The following PNLIPRP3 variants were observed in gnomAD, a reference collection of about 807,000 sequenced individuals.
The protein encoded by PNLIPRP3 is pancreatic lipase-related protein 3.
PNLIPRP3 carries 58 observed loss-of-function variants against 52.8 expected under a neutral mutation model. The ratio of observed to expected loss-of-function variants is 1.10; its 90% CI spans 0.89 to 1.37. The LOEUF is 1.37. Among genes scored for constraint, PNLIPRP3 ranks in the 40% most tolerant of loss-of-function variants. The pLI, the probability that PNLIPRP3 is intolerant of heterozygous loss-of-function variation, is 0.00. For synonymous variants in PNLIPRP3, 192 were observed against 185.0 expected (o/e 1.04, Z -0.31); for missense variants, 593 against 561.6 (o/e 1.06, Z -0.57).
At chr10:116,462,388 C>T (rs911954400) in intron 7 of PNLIPRP3, among the ~76,000 whole-genome samples, 2 of 151,100 alleles carry the variant, frequency 1.3e-5, no homozygotes, top group Non-Finnish European at 2.9e-5. Flanking sequence ...ATAGCCCAAT[C>T]CCCTGTAGTC....
intron 4 of PNLIPRP3, among the ~76,000 whole-genome samples, chr10:116,446,297 G>T (rs1159187915): frequency 7.0e-6 from 1 of 143,310 alleles, no homozygotes; most frequent in Admixed American, 7.2e-5. Context: ...AGTAAGCCGA[G>T]ATGGCGCCGC....
chr10:116,463,686 A>G (rs1450495308), intron 7 of PNLIPRP3, among the ~76,000 whole-genome samples: 2 of 152,222 alleles, frequency 1.3e-5, no homozygotes, highest in Non-Finnish European at 2.9e-5. Flanking sequence ...GTGAGGACCC[A>G]GGAAGGAGTC....
rs1481647059 is a variant in PNLIPRP3, at chr10:116,477,828, G to A, written c.*675G>A. The A allele has an allele frequency of 6.6e-6, 1 of 152,108 alleles. No individual in the cohort carries two copies. Among genetic ancestry groups the A allele is most frequent in the Non-Finnish European group, 1.5e-5 (1 of 68,046 alleles). The allele number at this position is 152,108 out of a possible 1,614,324, so 9.4% of individuals were successfully genotyped here. On this transcript the variant is annotated 3_prime_UTR_variant, in exon 12 of 12. Coordinates refer to ENST00000369230, the MANE Select transcript of PNLIPRP3 (RefSeq NM_001011709.3). ...CCTTCCTCCAAAGTCCCTGCCACAG[G>A]AGAATTACTCCTCTCCCTGGGTCTT... is the stretch of plus-strand genomic sequence containing the variant.
Position 116,476,699 on chromosome 10 carries a change from A to T in PNLIPRP3, c.1220A>T (p.Asp407Val). Residue 407 changes from aspartate (D) to valine (V), a missense_variant, in exon 11 of 12, where the codon GAT (aspartate) becomes GTT (valine). Asp to Val is a radical substitution (Grantham distance 152). Transcript: ENST00000369230. ...GMTYTKLIDA[D>V]VNVGNITSVQ... ...ACTTACACAAAATTAATCGATGCAG[A>T]TGTTAACGTTGGAAACATTACAAGT... 1 of 1,600,422 alleles carries T rather than the reference A, an allele frequency of 6.2e-7. No individual in the cohort carries two copies. The highest frequency in any genetic ancestry group is 8.5e-7 in the Non-Finnish European group (1 of 1,176,304).
chr10:116,455,792 A>G lies in PNLIPRP3; in HGVS notation c.527A>G (p.Glu176Gly). 6.2e-7 allele frequency: 1 copy of G among 1,613,592 alleles called. No homozygotes were observed. Among genetic ancestry groups the G allele is most frequent in the Non-Finnish European group, 8.5e-7 (1 of 1,179,728 alleles). ...GHSLGAHLAG[E>G]AGSRIPGLGR... ...AGCTTGGGAGCACACCTGGCTGGGG[A>G]AGCTGGGTCAAGGATACCAGGCCTT... is the stretch of plus-strand genomic sequence containing the variant. The change falls in exon 5 of 12, where the codon GAA becomes GGA. Residue 176 changes from glutamate (E) to glycine (G), a missense_variant. Glu to Gly is a moderately conservative substitution (Grantham distance 98, BLOSUM62 -2). Coordinates refer to ENST00000369230, the MANE Select transcript of PNLIPRP3 (RefSeq NM_001011709.3).
intron 9 of PNLIPRP3, among the ~76,000 whole-genome samples, chr10:116,470,777 G>T (rs1846357232): frequency 6.6e-6 from 1 of 152,088 alleles, no homozygotes; most frequent in South Asian, 2.1e-4. Context: ...CAAAGTGCTG[G>T]GATTACAGGC....
At chr10:116,438,384 A>G (rs546528017) in intron 2 of PNLIPRP3, among the ~76,000 whole-genome samples, 38 of 152,274 alleles carry the variant, frequency 2.5e-4, no homozygotes, top group Non-Finnish European at 4.6e-4. Context: ...CTTACTTTCC[A>G]TCAGGCCCAT....
At position 116,457,362 on chromosome 10, in the gene PNLIPRP3, GCT is replaced by G. The variant is rs60476312; in HGVS notation, c.565+1542_565+1543del. Among the ~76,000 whole-genome samples the G allele has an allele frequency of 2.3e-3, 355 of 151,736 alleles. 4 individuals are homozygous for G. The highest frequency in any genetic ancestry group is 7.7e-3 in the African/African-American group (317 of 41,336). The stretch of plus-strand genomic sequence containing the variant: ...TGTGTGCATGTGTGTGTACGTGCTC[GCT>G]CTCTCTCTCACACACACACACATAC... On this transcript the variant is annotated intron_variant, in intron 5 of 11. Coordinates refer to ENST00000369230, the MANE Select transcript of PNLIPRP3 (RefSeq NM_001011709.3).
In PNLIPRP3 at chr10:116,436,715, A is replaced by T; in HGVS notation, c.54A>T (p.Lys18Asn). The change falls in exon 2 of 12, where the codon AAA becomes AAT. Residue 18 changes from lysine (K) to asparagine (N), a missense_variant. Lys to Asn is a moderately conservative substitution (Grantham distance 94). Coordinates refer to ENST00000369230, the MANE Select transcript of PNLIPRP3 (RefSeq NM_001011709.3). ...CACTCCACCTTTCTGCTGCAGGAAAAGAAGTTTGCTATGAAAGGTTAGGGT... is the reference window on the plus strand; with the variant it reads ...CACTCCACCTTTCTGCTGCAGGAAATGAAGTTTGCTATGAAAGGTTAGGGT... ...AFLFFGTSRG[K>N]EVCYERLGCF... The T allele has an allele frequency of 1.2e-6, 2 of 1,606,888 alleles. No individual in the cohort carries two copies. Among genetic ancestry groups the T allele is most frequent in the Non-Finnish European group, 1.7e-6 (2 of 1,175,774 alleles).
chr10:116,440,840 A>G (rs1201811245), intron 2 of PNLIPRP3, among the ~76,000 whole-genome samples: 2 of 152,214 alleles, frequency 1.3e-5, no homozygotes, highest in African/African-American at 4.8e-5. Context: ...CTGCAGCTTT[A>G]GTCAAGGATA....
chr10:116,463,460 A>G (rs1846229230), intron 7 of PNLIPRP3, among the ~76,000 whole-genome samples: 1 of 152,162 alleles, frequency 6.6e-6, no homozygotes, highest in Non-Finnish European at 1.5e-5. Context: ...CCTGGATTTC[A>G]TAATATTGCA....
intron 7 of PNLIPRP3, among the ~76,000 whole-genome samples, chr10:116,462,322 A>ATAT (rs971466357): frequency 6.8e-6 from 1 of 146,806 alleles, no homozygotes; most frequent in African/African-American, 2.5e-5. Context: ...TAATAATAAT[A>ATAT]ATATATATAT....
At chr10:116,471,668 A>G in intron 9 of PNLIPRP3, 100 bp from the exon 10 acceptor site, 1 of 931,406 alleles carries the variant, frequency 1.1e-6, no homozygotes, top group Non-Finnish European at 1.7e-6. Flanking sequence ...TTCAAATACA[A>G]CCCTGAAAAT....
intron 7 of PNLIPRP3, among the ~76,000 whole-genome samples, chr10:116,462,997 AAT>A (rs1846221102): frequency 1.3e-5 from 2 of 152,226 alleles, no homozygotes. Flanking sequence ...TTTTAAAATT[AAT>A]AGTTTGCTAT....
At chr10:116,446,152 C>T (rs903579555) in intron 4 of PNLIPRP3, among the ~76,000 whole-genome samples, 2 of 152,014 alleles carry the variant, frequency 1.3e-5, no homozygotes, top group African/African-American at 4.8e-5. Context: ...CGAGACCATC[C>T]TGGCGAACAA....
rs895912985 is a variant in PNLIPRP3, at chr10:116,477,899, A to C, written c.*746A>C. The stretch of plus-strand genomic sequence containing the variant: ...GTATTTAGCCTCAAGGCAGCATTTC[A>C]TTTGTAAAGCACTTGGGTAACCCTT... On this transcript the variant is annotated 3_prime_UTR_variant, in exon 12 of 12. Transcript: ENST00000369230. The C allele has an allele frequency of 5.9e-5, 9 of 152,192 alleles. No homozygotes were observed. The highest frequency in any genetic ancestry group is 2.2e-4 in the African/African-American group (9 of 41,446). The allele number at this position is 152,192 out of a possible 1,614,324, so 9.4% of individuals were successfully genotyped here.
At chr10:116,438,960 A>G (rs1459435214) in intron 2 of PNLIPRP3, among the ~76,000 whole-genome samples, 1 of 152,192 alleles carries the variant, frequency 6.6e-6, no homozygotes, top group Non-Finnish European at 1.5e-5. Flanking sequence ...CATTCAAAAC[A>G]TTTTGCTAAT....
chr10:116,469,397 A>G (rs1846331496), intron 9 of PNLIPRP3, 80 bp downstream of exon 9: 7 of 1,374,924 alleles, frequency 5.1e-6, no homozygotes, highest in Non-Finnish European at 6.8e-6. Context: ...TTGAGTGTCT[A>G]CTAAATAACT....
chr10:116,434,179 C>A (rs776753301), intron 1 of PNLIPRP3, among the ~76,000 whole-genome samples: 1 of 151,932 alleles, frequency 6.6e-6, no homozygotes, highest in Non-Finnish European at 1.5e-5. Flanking sequence ...CTTTTGTGAC[C>A]TTTTTATTAT....
Sources: gnomAD v4.1 joint callset for allele counts (sites outside exome capture counted in the v4.1 genomes callset) on GRCh38, gnomAD v4.1.1 for gene constraint, MANE v1.5 for transcripts, NCBI Gene and HGNC (gene_info 2026-07-23, HGNC 2026-07-21) for gene names.